TRAPPC9: variants seen among roughly 807,000 people sequenced by gnomAD.
The protein encoded by TRAPPC9 is trafficking protein particle complex subunit 9, also known as IKK2 binding protein.
In TRAPPC9, 83 loss-of-function variants were observed where a neutral mutation model predicts 124.0. That is an observed-to-expected ratio of 0.67 (90% confidence interval 0.56 to 0.80). The LOEUF is 0.80. Ranked by LOEUF, TRAPPC9 falls within the 30% of genes least tolerant of loss-of-function variation. The pLI is 0.00. For missense variants in TRAPPC9, 1,302 were observed against 1,508.3 expected (o/e 0.86, Z 2.27); for synonymous variants, 638 against 617.5 (o/e 1.03, Z -0.49).
chr8:140,186,268 T>C (rs56342058), intron 17 of TRAPPC9, among the ~76,000 whole-genome samples: 8,386 of 152,314 alleles, frequency 0.055, 268 homozygotes, highest in Non-Finnish European at 0.067. Context: ...CCTTGCTCAA[T>C]AGAACTACTT....
chr8:139,910,719 G>A (rs1003020688), intron 19 of TRAPPC9, among the ~76,000 whole-genome samples: 2 of 152,190 alleles, frequency 1.3e-5, no homozygotes, highest in African/African-American at 2.4e-5. Context: ...TTTATCCTCT[G>A]AGTGCTGTCT....
intron 20 of TRAPPC9, among the ~76,000 whole-genome samples, chr8:139,899,014 G>C (rs1388581491): frequency 2.7e-5 from 4 of 150,526 alleles, no homozygotes; most frequent in Non-Finnish European, 5.9e-5. Context: ...CAGCCACTTG[G>C]GAGGCTGAGG....
intron 21 of TRAPPC9, among the ~76,000 whole-genome samples, chr8:139,750,166 G>C (rs919027193): frequency 1.3e-5 from 2 of 152,082 alleles, no homozygotes; most frequent in African/African-American, 4.8e-5. Flanking sequence ...ATCCACCAGG[G>C]GTTGCCCAAC....
intron 20 of TRAPPC9, among the ~76,000 whole-genome samples, chr8:139,905,150 G>C (rs1831269196): frequency 6.6e-6 from 1 of 152,242 alleles, no homozygotes; most frequent in Non-Finnish European, 1.5e-5. Flanking sequence ...GCCAGATGCT[G>C]CATGTACTAG....
chr8:139,922,297 T>C (rs768250899), intron 19 of TRAPPC9, among the ~76,000 whole-genome samples: 1 of 152,072 alleles, frequency 6.6e-6, no homozygotes, highest in Non-Finnish European at 1.5e-5. Flanking sequence ...GGTTCTCCTG[T>C]TTCAGCCTCC....
Position 140,311,237 on chromosome 8 carries a change from G to A in TRAPPC9, c.1622+11C>T. ...GCAGCTGCCTTTCCGGCTCTGCAGT[G>A]CCCATCTCACCTGACGATGGGAAGC... On this transcript the variant is annotated intron_variant, in intron 10 of 22. Coordinates refer to ENST00000438773, the MANE Select transcript of TRAPPC9 (RefSeq NM_001160372.4). The A allele has an allele frequency of 1.2e-6, 2 of 1,609,326 alleles. No homozygotes were observed. The highest frequency in any genetic ancestry group is 1.7e-6 in the Non-Finnish European group (2 of 1,179,858).
At chr8:139,787,908 A>C (rs1822385131) in intron 21 of TRAPPC9, among the ~76,000 whole-genome samples, 1 of 152,086 alleles carries the variant, frequency 6.6e-6, no homozygotes, top group South Asian at 2.1e-4. Flanking sequence ...TTCCAGGGCT[A>C]CTGTCAGGAC....
At chr8:140,282,609 G>C (rs558101577) in intron 14 of TRAPPC9, among the ~76,000 whole-genome samples, 2 of 151,624 alleles carry the variant, frequency 1.3e-5, no homozygotes, top group African/African-American at 4.8e-5. Flanking sequence ...CAATAGCAAG[G>C]AAATTAATGG....
At chr8:140,310,316 T>C (rs2066260608) in intron 10 of TRAPPC9, among the ~76,000 whole-genome samples, 1 of 151,842 alleles carries the variant, frequency 6.6e-6, no homozygotes. Context: ...CAAGACCGAG[T>C]GAAGCTGGGG....
chr8:140,052,222 AC>A (rs1441532180), intron 17 of TRAPPC9, among the ~76,000 whole-genome samples: 34 of 41,602 alleles, frequency 8.2e-4, no homozygotes, highest in African/African-American at 1.9e-3. Flanking sequence ...AACAACAACA[AC>A]AACAACAACA....
intron 21 of TRAPPC9, among the ~76,000 whole-genome samples, chr8:139,828,466 G>A (rs1825778830): frequency 6.6e-6 from 1 of 152,198 alleles, no homozygotes; most frequent in Non-Finnish European, 1.5e-5. Flanking sequence ...GTTGTCAATT[G>A]AAGATAACCG....
Position 139,910,235 on chromosome 8 carries a change from T to A in TRAPPC9, c.2876A>T (p.Gln959Leu). 2.5e-6 allele frequency: 4 copies of A among 1,614,068 alleles called. No homozygotes were observed. The South Asian group carries it at 3.3e-5, about 13-fold the overall frequency. ...SFPESPGEKG[Q>L]FANPKQLEEE... ...CTCCAGCTGCTTGGGGTTTGCAAAT[T>A]GCCCCTTCTCCCCAGGGGACTCCGG... The change falls in exon 20 of 23, where the codon CAA (glutamine) becomes CTA (leucine). Residue 959 changes from glutamine to leucine, a missense_variant. Gln to Leu is a moderately radical substitution (Grantham distance 113). This residue lies in a region of TRAPPC9 where 640 missense variants were observed against 679.3 expected (regional missense o/e 0.94). Coordinates refer to ENST00000438773, the MANE Select transcript of TRAPPC9 (RefSeq NM_001160372.4).
At chr8:140,359,321 C>G (rs2067860034) in intron 9 of TRAPPC9, among the ~76,000 whole-genome samples, 1 of 152,102 alleles carries the variant, frequency 6.6e-6, no homozygotes, top group Non-Finnish European at 1.5e-5. Flanking sequence ...TGGGCCAGGG[C>G]CAGGGGTACA....
At chr8:140,453,421 T>C (rs1389578917) in intron 1 of TRAPPC9, among the ~76,000 whole-genome samples, 1 of 144,916 alleles carries the variant, frequency 6.9e-6, no homozygotes, top group Non-Finnish European at 1.5e-5. Flanking sequence ...GACACTAAGA[T>C]TAAAGTGACA....
intron 16 of TRAPPC9, among the ~76,000 whole-genome samples, chr8:140,243,675 C>T (rs1332122240): frequency 2.0e-5 from 3 of 152,212 alleles, no homozygotes; most frequent in Non-Finnish European, 2.9e-5. Context: ...CTCTATTACC[C>T]TCCTCTCTGA....
chr8:140,037,878 CAACA>C lies in TRAPPC9; in HGVS notation c.2557-13803_2557-13800del, dbSNP rs1563711455. ...TACACACATACCCAACACACACCTCCAACACACACACACACACACACACACACAC... is the reference window on the plus strand; with the variant it reads ...TACACACATACCCAACACACACCTCCCACACACACACACACACACACACAC... On this transcript the variant is annotated intron_variant, in intron 17 of 22. Coordinates refer to ENST00000438773, the MANE Select transcript of TRAPPC9 (RefSeq NM_001160372.4). 6.6e-5 allele frequency among the ~76,000 whole-genome samples: 6 copies of C among 90,842 alleles called. No homozygotes were observed. In the South Asian group the frequency reaches 2.1e-3, roughly 32 times the overall value. The allele number at this position is 90,842 out of a possible 152,430, so 59.6% of individuals were successfully genotyped here. A position where few individuals can be genotyped will look rare whatever the true frequency, so the allele number is the denominator to read the frequency against.
intron 18 of TRAPPC9, among the ~76,000 whole-genome samples, chr8:139,998,408 C>T (rs1204566751): frequency 1.3e-5 from 2 of 152,174 alleles, no homozygotes; most frequent in African/African-American, 2.4e-5. Flanking sequence ...ATGTAATTTC[C>T]TATTAAGTTA....
intron 20 of TRAPPC9, among the ~76,000 whole-genome samples, chr8:139,891,332 C>T (rs1830332059): frequency 6.6e-6 from 1 of 152,254 alleles, no homozygotes; most frequent in Non-Finnish European, 1.5e-5. Context: ...GCAAAGCATG[C>T]ATCTGGCACG....
intron 11 of TRAPPC9, among the ~76,000 whole-genome samples, chr8:140,297,423 GCATA>G (rs2065840393): frequency 6.6e-6 from 1 of 151,420 alleles, no homozygotes; most frequent in African/African-American, 2.4e-5. Context: ...ATATACACAC[GCATA>G]CACACACATA....
Sources: gnomAD v4.1 joint callset for allele counts (sites outside exome capture counted in the v4.1 genomes callset) on GRCh38, gnomAD v4.1.1 for gene constraint, gnomAD v4.1.1 regional missense constraint, MANE v1.5 for transcripts, NCBI Gene and HGNC (gene_info 2026-07-23, HGNC 2026-07-21) for gene names.